The following ARHGAP5 variants were observed in gnomAD, a reference collection of about 807,000 sequenced individuals.
ARHGAP5 encodes rho GTPase-activating protein 5.
A neutral mutation model predicts 116.6 loss-of-function variants in ARHGAP5; 23 were observed. The observed-to-expected ratio is 0.20, with a 90% CI of 0.14 to 0.28. The LOEUF is 0.28. ARHGAP5 is among the 10% of genes least tolerant of loss of function. The pLI is 1.00. For missense variants in ARHGAP5, 1,405 were observed against 1,774.8 expected, an observed-to-expected ratio of 0.79 and a Z score of 3.74; for synonymous variants, 574 against 602.0, an observed-to-expected ratio of 0.95 and a Z score of 0.68.
chr14:32,154,446 G>A (rs1881800443), intron 6 of ARHGAP5, 175 bp from the exon 7 acceptor site: 8 of 601,738 alleles, frequency 1.3e-5, no homozygotes, highest in African/African-American at 3.7e-5. Flanking sequence ...ACTGCACCTG[G>A]CCCAGGAAAA....
intron 2 of ARHGAP5, among the ~76,000 whole-genome samples, chr14:32,101,088 C>T (rs1878769433): frequency 6.6e-6 from 1 of 151,896 alleles, no homozygotes; most frequent in African/African-American, 2.4e-5. Flanking sequence ...AAATTGTTTT[C>T]CTGTCTTATT....
At chr14:32,127,516 C>G (rs540820335) in intron 3 of ARHGAP5, among the ~76,000 whole-genome samples, 2 of 152,200 alleles carry the variant, frequency 1.3e-5, no homozygotes, top group Admixed American at 1.3e-4. Context: ...AACAGCATCC[C>G]AAGGCAGAAG....
chr14:32,123,546 C>G (rs891176960), intron 3 of ARHGAP5, among the ~76,000 whole-genome samples: 1 of 151,480 alleles, frequency 6.6e-6, no homozygotes, highest in African/African-American at 2.4e-5. Context: ...GGGCCTCTTT[C>G]TGTTGTTTTT....
chr14:32,098,397 G>A lies in ARHGAP5; in HGVS notation c.3717+4011G>A, dbSNP rs555047975. Among the ~76,000 whole-genome samples, 7 of 152,340 alleles carry A rather than the reference G, an allele frequency of 4.6e-5. 1 individual carries two copies. Among genetic ancestry groups the A allele is most frequent in the African/African-American group, 1.7e-4 (7 of 41,582 alleles). On this transcript the variant is annotated intron_variant, in intron 2 of 6. Transcript: ENST00000345122. The stretch of plus-strand genomic sequence containing the variant: ...AGGATGCGCTAATCTAAATGGTGAG[G>A]AAAGGCCTTCTTGAAAAGTCATTTT...
At chr14:32,116,955 C>T (rs770004630) in intron 2 of ARHGAP5, among the ~76,000 whole-genome samples, 185 bp from the exon 3 acceptor site, 29 of 151,512 alleles carry the variant, frequency 1.9e-4, no homozygotes, top group Non-Finnish European at 2.9e-4. Flanking sequence ...TTTTTCTGTT[C>T]ACTTATGTCT....
chr14:32,142,064 G>A (rs543077272), intron 3 of ARHGAP5, among the ~76,000 whole-genome samples: 5 of 151,896 alleles, frequency 3.3e-5, no homozygotes, highest in Middle Eastern at 3.2e-3. Flanking sequence ...TTCATTTATT[G>A]TACTTTTCAA....
chr14:32,106,281 T>C (rs537179205), intron 2 of ARHGAP5, among the ~76,000 whole-genome samples: 1 of 151,966 alleles, frequency 6.6e-6, no homozygotes, highest in Non-Finnish European at 1.5e-5. Context: ...CCACCACACC[T>C]GGCTAATTTT....
chr14:32,078,527 G>T (rs1342003054), intron 1 of ARHGAP5, among the ~76,000 whole-genome samples: 3 of 152,110 alleles, frequency 2.0e-5, no homozygotes, highest in African/African-American at 7.2e-5. Flanking sequence ...GCAGGAAACT[G>T]AATTTTTTTT....
chr14:32,153,113 C>A (rs1337663205), intron 6 of ARHGAP5, among the ~76,000 whole-genome samples: 3 of 149,918 alleles, frequency 2.0e-5, no homozygotes, highest in Admixed American at 2.0e-4. Context: ...CAGCTGGTAC[C>A]TCCTAAAAGA....
chr14:32,104,862 C>CTAGCA (rs1432334142), intron 2 of ARHGAP5, among the ~76,000 whole-genome samples: 2 of 152,132 alleles, frequency 1.3e-5, no homozygotes, highest in Non-Finnish European at 2.9e-5. Flanking sequence ...TTTTACTAGT[C>CTAGCA]TAGCACAGTG....
intron 1 of ARHGAP5, among the ~76,000 whole-genome samples, chr14:32,085,754 C>T (rs2041822809): frequency 6.6e-6 from 1 of 152,024 alleles, no homozygotes; most frequent in African/African-American, 2.4e-5. Context: ...AATTTCTTAT[C>T]ATAAATTTTG....
At position 32,093,035 on chromosome 14, in the gene ARHGAP5, C is replaced by G. The variant is rs1364540651; in HGVS notation, c.2366C>G (p.Pro789Arg). The change falls in exon 2 of 7, where the codon CCA becomes CGA. Residue 789 changes from proline (P) to arginine (R), a missense_variant. Transcript: ENST00000345122. ...RIVMCAMCGD[P>R]FSVDLILSPF... ...GTCATGTGCGCCATGTGTGGAGATCCATTTAGTGTGGATCTTATTCTTTCA... is the reference window on the plus strand; with the variant it reads ...GTCATGTGCGCCATGTGTGGAGATCGATTTAGTGTGGATCTTATTCTTTCA... 1 of 1,613,874 alleles carries G rather than the reference C, an allele frequency of 6.2e-7. No individual in the cohort carries two copies. The highest frequency in any genetic ancestry group is 8.5e-7 in the Non-Finnish European group (1 of 1,179,946).
intron 4 of ARHGAP5, among the ~76,000 whole-genome samples, chr14:32,148,167 T>A (rs185732934): frequency 7.2e-4 from 81 of 112,430 alleles, no homozygotes; most frequent in East Asian, 6.6e-3. Flanking sequence ...AAAAGAAATC[T>A]ATCTATCTAT....
In ARHGAP5 at chr14:32,118,345, A is replaced by G. The variant is rs183708358; in HGVS notation, c.3865+1058A>G. Among the ~76,000 whole-genome samples, 241 of 151,974 alleles carry G rather than the reference A, an allele frequency of 1.6e-3. 2 individuals carry two copies. The highest frequency in any genetic ancestry group is 2.7e-3 in the East Asian group (14 of 5,174). On this transcript the variant is annotated intron_variant, in intron 3 of 6. Coordinates refer to ENST00000345122, the MANE Select transcript of ARHGAP5 (RefSeq NM_001030055.2). ...AACCCTATCTCTACTAAAAATACAA[A>G]AATTATCTGGGCATTGTGGTTTGTG... is the stretch of plus-strand genomic sequence containing the variant.
At chr14:32,134,271 A>G (rs924031076) in intron 3 of ARHGAP5, among the ~76,000 whole-genome samples, 3 of 152,316 alleles carry the variant, frequency 2.0e-5, no homozygotes, top group Middle Eastern at 3.4e-3. Context: ...TTATTTGACT[A>G]GAAAGTAGTG....
At chr14:32,086,091 G>A (rs895145651) in intron 1 of ARHGAP5, among the ~76,000 whole-genome samples, 2 of 152,172 alleles carry the variant, frequency 1.3e-5, no homozygotes, top group Non-Finnish European at 2.9e-5. Flanking sequence ...GAGGGATAGA[G>A]TTAATGACAT....
intron 3 of ARHGAP5, among the ~76,000 whole-genome samples, chr14:32,143,224 G>GTTATTATTA (rs1427657144): frequency 2.2e-4 from 32 of 147,266 alleles, no homozygotes; most frequent in Middle Eastern, 3.4e-3. Flanking sequence ...TGTTGTTGTT[G>GTTATTATTA]TTGTTGTTGT....
intron 3 of ARHGAP5, among the ~76,000 whole-genome samples, chr14:32,145,688 G>GA (rs1881343740): frequency 6.6e-6 from 1 of 151,960 alleles, no homozygotes; most frequent in Admixed American, 6.6e-5. Context: ...CTTATGTTTG[G>GA]TTTTTTTACA....
intron 4 of ARHGAP5, among the ~76,000 whole-genome samples, chr14:32,149,628 C>T (rs955758998): frequency 1.3e-5 from 2 of 151,800 alleles, no homozygotes; most frequent in African/African-American, 2.4e-5. Flanking sequence ...AAAAATTAGC[C>T]GGGCGTGGTG....
Sources: allele counts gnomAD v4.1 joint callset (sites outside exome capture counted in the v4.1 genomes callset), GRCh38; gene constraint gnomAD v4.1.1; transcripts MANE v1.5; gene names NCBI Gene and HGNC (gene_info 2026-07-23, HGNC 2026-07-21).